WWOX: variants seen among roughly 807,000 people sequenced by gnomAD.
WWOX encodes WW domain containing oxidoreductase.
Under a neutral mutation model 46.2 loss-of-function variants are expected in WWOX, and 69 were observed. That is an observed-to-expected ratio of 1.49 (90% CI 1.23 to 1.82). The LOEUF is 1.82. Ranked by LOEUF, WWOX falls within the 40% of genes most tolerant of loss-of-function variation. The pLI is 0.00. For synonymous variants in WWOX, 359 were observed against 202.6 expected, an observed-to-expected ratio of 1.77 and a Z score of -6.56; for missense variants, 919 against 542.6, an observed-to-expected ratio of 1.69 and a Z score of -6.89.
intron 8 of WWOX, among the ~76,000 whole-genome samples, chr16:78,541,416 G>A (rs1742514785): frequency 7.5e-6 from 1 of 133,468 alleles, no homozygotes; most frequent in South Asian, 2.5e-4. Context: ...GGAGCTTGCA[G>A]TGAGCCGAGA....
At chr16:78,407,911 A>G (rs2151947853) in intron 6 of WWOX, among the ~76,000 whole-genome samples, 1 of 152,344 alleles carries the variant, frequency 6.6e-6, no homozygotes, top group East Asian at 1.9e-4. Flanking sequence ...CATACAGATT[A>G]TGGCACATGG....
intron 8 of WWOX, among the ~76,000 whole-genome samples, chr16:78,771,165 A>G (rs138445208): frequency 6.6e-6 from 1 of 152,258 alleles, no homozygotes; most frequent in African/African-American, 2.4e-5. Flanking sequence ...AGGGATGGAG[A>G]TCCATTTGGA....
At chr16:79,017,705 G>A (rs995224197) in intron 8 of WWOX, among the ~76,000 whole-genome samples, 2 of 151,368 alleles carry the variant, frequency 1.3e-5, no homozygotes, top group Admixed American at 6.6e-5. Flanking sequence ...ATATTTTTTT[G>A]ATTTTTTTTT....
chr16:78,676,749 GTCT>G (rs1292749856), intron 8 of WWOX, among the ~76,000 whole-genome samples: 1 of 152,264 alleles, frequency 6.6e-6, no homozygotes, highest in African/African-American at 2.4e-5. Context: ...TTTCAGCTAA[GTCT>G]TCTTTTATTG....
rs544578129 is a variant in WWOX, at chr16:79,195,446, C to A, written c.1057-16162C>A. Among the ~76,000 whole-genome samples, 11 of 152,268 alleles carry A rather than the reference C, an allele frequency of 7.2e-5. No homozygotes were observed. The East Asian group carries it at 2.1e-3, about 29-fold the overall frequency. Reference sequence around the variant, plus strand: ...GCGTGTTGCTTTGGTAGGGAGCTCGCTTTGGCTGTGGGCAGTTCCTGAGGA... The same window carrying A: ...GCGTGTTGCTTTGGTAGGGAGCTCGATTTGGCTGTGGGCAGTTCCTGAGGA... On this transcript the variant is annotated intron_variant, in intron 8 of 8. Coordinates refer to ENST00000566780, the MANE Select transcript of WWOX (RefSeq NM_016373.4).
At chr16:79,151,739 G>T (rs1225783924) in intron 8 of WWOX, among the ~76,000 whole-genome samples, 1 of 152,170 alleles carries the variant, frequency 6.6e-6, no homozygotes, top group Admixed American at 6.5e-5. Flanking sequence ...GCCTGCCAGG[G>T]TGCCTGACAG....
chr16:78,935,034 C>A (rs913232362), intron 8 of WWOX, among the ~76,000 whole-genome samples: 2 of 152,108 alleles, frequency 1.3e-5, no homozygotes, highest in African/African-American at 2.4e-5. Flanking sequence ...CAGAGACATG[C>A]AAATCAAAAC....
At chr16:78,641,125 G>A (rs2046697778) in intron 8 of WWOX, among the ~76,000 whole-genome samples, 1 of 152,078 alleles carries the variant, frequency 6.6e-6, no homozygotes. Flanking sequence ...GTTGTGAACA[G>A]GTGCCTCCTC....
At chr16:79,168,620 A>C (rs1424091717) in intron 8 of WWOX, among the ~76,000 whole-genome samples, 1 of 152,118 alleles carries the variant, frequency 6.6e-6, no homozygotes, top group Non-Finnish European at 1.5e-5. Flanking sequence ...AGAGAGTGAT[A>C]ATTATGCCAT....
rs193174816 is a variant in WWOX at position 78,993,271 on chromosome 16, G to A, written c.1057-218337G>A. Reference sequence around the variant, plus strand: ...CGAAACTTTACTATTTGGGGGTGGGGGGAGGTTGGGGAAGGGAGGCCCTGA... The same window carrying A: ...CGAAACTTTACTATTTGGGGGTGGGAGGAGGTTGGGGAAGGGAGGCCCTGA... On this transcript the variant is annotated intron_variant, in intron 8 of 8. Transcript: ENST00000566780. 2.2e-3 allele frequency among the ~76,000 whole-genome samples: 339 copies of A among 151,952 alleles called. 2 individuals are homozygous for A. The highest frequency in any genetic ancestry group is 8.0e-3 in the African/African-American group (333 of 41,450).
At chr16:78,582,108 G>C (rs1486974293) in intron 8 of WWOX, among the ~76,000 whole-genome samples, 1 of 152,130 alleles carries the variant, frequency 6.6e-6, no homozygotes, top group Non-Finnish European at 1.5e-5. Flanking sequence ...TCTATAATCG[G>C]CACTCATTAT....
intron 6 of WWOX, among the ~76,000 whole-genome samples, chr16:78,423,743 G>A (rs1009046954): frequency 1.4e-4 from 21 of 151,830 alleles, no homozygotes; most frequent in Non-Finnish European, 2.6e-4. Context: ...TTACTCGGGA[G>A]GCTAAGGTGG....
intron 8 of WWOX, among the ~76,000 whole-genome samples, chr16:79,190,227 G>A (rs1326392111): frequency 6.6e-6 from 1 of 152,066 alleles, no homozygotes. Flanking sequence ...GTTTCACCGT[G>A]TTGGCCAGGC....
intron 5 of WWOX, among the ~76,000 whole-genome samples, chr16:78,210,089 G>A (rs2036510827): frequency 6.6e-6 from 1 of 152,156 alleles, no homozygotes; most frequent in Non-Finnish European, 1.5e-5. Flanking sequence ...CGTGTGAGCT[G>A]AAGTTCCAGA....
At chr16:78,656,037 G>A (rs940220005) in intron 8 of WWOX, among the ~76,000 whole-genome samples, 27 of 152,158 alleles carry the variant, frequency 1.8e-4, no homozygotes, top group African/African-American at 6.5e-4. Context: ...CCAAAGGTCT[G>A]TTTTGAAATG....
chr16:78,466,425 G>T (rs1429503954), intron 8 of WWOX, among the ~76,000 whole-genome samples: 1 of 152,138 alleles, frequency 6.6e-6, no homozygotes, highest in Non-Finnish European at 1.5e-5. Context: ...ACACTAAATT[G>T]TACACTTTGA....
At chr16:78,608,666 A>G (rs771747644) in intron 8 of WWOX, among the ~76,000 whole-genome samples, 2 of 152,266 alleles carry the variant, frequency 1.3e-5, no homozygotes, top group South Asian at 4.1e-4. Context: ...GTTGGCGTCC[A>G]CCCTTGGTTT....
rs142233760 is a variant in WWOX at position 78,642,335 on chromosome 16, G to C, written c.1056+209583G>C. 4.4e-3 allele frequency among the ~76,000 whole-genome samples: 677 copies of C among 152,278 alleles called. 4 individuals are homozygous for C. Among genetic ancestry groups the C allele is most frequent in the African/African-American group, 0.016 (648 of 41,550 alleles). On this transcript the variant is annotated intron_variant, in intron 8 of 8. Coordinates refer to ENST00000566780, the MANE Select transcript of WWOX (RefSeq NM_016373.4). ...GAATCAGAGTTGGGATTTGAACCCA[G>C]GGCTTCTGTCTCCAGATTCCTTGTT... is the stretch of plus-strand genomic sequence containing the variant.
intron 8 of WWOX, among the ~76,000 whole-genome samples, chr16:79,166,058 C>G (rs991511960): frequency 2.0e-5 from 3 of 152,178 alleles, no homozygotes; most frequent in Admixed American, 6.5e-5. Context: ...AAAAAGGCTG[C>G]GTCCCAGCAG....
Sources: allele counts gnomAD v4.1 joint callset (sites outside exome capture counted in the v4.1 genomes callset), GRCh38; gene constraint gnomAD v4.1.1; transcripts MANE v1.5; gene names NCBI Gene and HGNC (gene_info 2026-07-23, HGNC 2026-07-21).